Variants in SFXN1 observed in about 807,000 individuals in gnomAD.
The protein encoded by SFXN1 is sideroflexin 1, also known as sideroflexin-1.
A neutral mutation model predicts 39.5 loss-of-function variants in SFXN1; 32 were observed. The ratio of observed to expected loss-of-function variants is 0.81; its 90% CI spans 0.61 to 1.09. The LOEUF is 1.09. SFXN1 is among the 50% of genes least tolerant of loss of function. The probability of loss-of-function intolerance (pLI) is 0.00; values close to 1 mark genes in which losing one functional copy is unlikely to be tolerated. For missense variants in SFXN1, 402 were observed against 407.1 expected, an observed-to-expected ratio of 0.99 and a Z score of 0.11; for synonymous variants, 136 against 146.5, an observed-to-expected ratio of 0.93 and a Z score of 0.52.
Position 175,522,400 on chromosome 5 carries a change from T to C in SFXN1, c.850T>C (p.Cys284Arg), listed in dbSNP as rs372316631. 6.8e-5 allele frequency: 109 copies of C among 1,612,234 alleles called. No homozygotes were observed. The highest frequency in any genetic ancestry group is 9.0e-5 in the Non-Finnish European group (106 of 1,179,732). The stretch of plus-strand genomic sequence containing the variant: ...TTTGGTGTTTGCTACACCCCTGTGT[T>C]GTGCCCTGTTTCCTCAGAAAAGGTA... ...FCLVFATPLC[C>R]ALFPQKSSMS... Residue 284 changes from cysteine (C) to arginine (R), a missense_variant, in exon 10 of 11, where the codon TGT becomes CGT. Physicochemically the swap from Cys to Arg is radical, Grantham distance 180. Coordinates refer to ENST00000321442, the MANE Select transcript of SFXN1 (RefSeq NM_022754.7).
Position 175,512,212 on chromosome 5 carries a change from A to C in SFXN1, c.596+16A>C. 2 of 1,606,990 alleles carry C rather than the reference A, an allele frequency of 1.2e-6. No individual in the cohort carries two copies. Among genetic ancestry groups the C allele is most frequent in the African/African-American group, 1.3e-5 (1 of 74,818 alleles). ...TGAGGCAAAGGTAAGACGAATATGC[A>C]CTCTTAGTAGGGACATGTGCTTGAC... On this transcript the variant is annotated intron_variant, in intron 6 of 10. Transcript: ENST00000321442.
At chr5:175,502,987 T>C (rs778776492) in intron 2 of SFXN1, among the ~76,000 whole-genome samples, 2 of 152,182 alleles carry the variant, frequency 1.3e-5, no homozygotes, top group Non-Finnish European at 2.9e-5. Flanking sequence ...ACACAAAATA[T>C]GTATCTACTC....
Position 175,522,436 on chromosome 5 carries a change from A to C in SFXN1, c.872+14A>C. 6.2e-7 allele frequency: 1 copy of C among 1,610,862 alleles called. No individual in the cohort carries two copies. The highest frequency in any genetic ancestry group is 1.3e-5 in the African/African-American group (1 of 74,908). The stretch of plus-strand genomic sequence containing the variant: ...TCCTCAGAAAAGGTATGTATTTGTT[A>C]TTCGTCAGAATCATCATGAGTATTA... On this transcript the variant is annotated intron_variant, in intron 10 of 10. Coordinates refer to ENST00000321442, the MANE Select transcript of SFXN1 (RefSeq NM_022754.7).
chr5:175,480,288 C>G (rs2113244617), intron 1 of SFXN1, among the ~76,000 whole-genome samples: 1 of 152,244 alleles, frequency 6.6e-6, no homozygotes, highest in East Asian at 1.9e-4. Flanking sequence ...GTAGTCCCAG[C>G]TACTCGGGAG....
chr5:175,511,491 G>A lies in SFXN1; in HGVS notation c.475G>A (p.Val159Ile), dbSNP rs374767128. ...TAYVSATTGA[V>I]ATALGLNALT... ...TTACGTTTCTGCAACAACTGGTGCCGTAGCAACAGCTCTAGGACTCAATGC... is the reference window on the plus strand; with the variant it reads ...TTACGTTTCTGCAACAACTGGTGCCATAGCAACAGCTCTAGGACTCAATGC... The change falls in exon 5 of 11, where the codon GTA (valine) becomes ATA (isoleucine). Residue 159 changes from valine (V) to isoleucine (I), a missense_variant. By Grantham distance (29) the Val-to-Ile change is conservative. Coordinates refer to ENST00000321442, the MANE Select transcript of SFXN1 (RefSeq NM_022754.7). 6.2e-6 allele frequency: 10 copies of A among 1,613,922 alleles called. No homozygotes were observed. The African/African-American group carries it at 8.0e-5, about 13-fold the overall frequency.
intron 2 of SFXN1, among the ~76,000 whole-genome samples, chr5:175,502,064 A>G (rs568980616): frequency 1.3e-5 from 2 of 152,140 alleles, no homozygotes; most frequent in African/African-American, 4.8e-5. Flanking sequence ...GGTTGAAGCA[A>G]GGTTTTTTAA....
rs1761142479 is a variant in SFXN1, at chr5:175,528,510, G to A, written c.*1776G>A. ...CATGAAGTGTAGATCATTGTATTCA[G>A]AGATTGTAAATGAAAAAAATATAGA... is the stretch of plus-strand genomic sequence containing the variant. On this transcript the variant is annotated 3_prime_UTR_variant, in exon 11 of 11. Transcript: ENST00000321442. The A allele has an allele frequency of 6.7e-6, 1 of 149,824 alleles. No individual in the cohort carries two copies. The highest frequency in any genetic ancestry group is 6.7e-5 in the Admixed American group (1 of 15,016). 9.3% of individuals were successfully genotyped at this position (149,824 alleles called of 1,614,324 possible). A position where few individuals can be genotyped will look rare whatever the true frequency, so the allele number is the denominator to read the frequency against.
intron 10 of SFXN1, among the ~76,000 whole-genome samples, chr5:175,524,288 A>T (rs1256015999): frequency 1.3e-5 from 2 of 151,026 alleles, no homozygotes; most frequent in Non-Finnish European, 3.0e-5. Flanking sequence ...ATGTATCTTT[A>T]GTTTGTCTTA....
intron 2 of SFXN1, among the ~76,000 whole-genome samples, chr5:175,494,222 C>A (rs1287201618): frequency 6.6e-6 from 1 of 152,162 alleles, no homozygotes; most frequent in Non-Finnish European, 1.5e-5. Context: ...CCACACATGG[C>A]AATTTTTTTC....
intron 2 of SFXN1, among the ~76,000 whole-genome samples, chr5:175,492,992 G>A (rs556577477): frequency 1.3e-5 from 2 of 152,268 alleles, no homozygotes; most frequent in Non-Finnish European, 1.5e-5. Context: ...GGTGGCTCAC[G>A]CCTGTAATCC....
chr5:175,491,614 A>G (rs975729032), intron 1 of SFXN1: 2 of 152,280 alleles, frequency 1.3e-5, no homozygotes, highest in African/African-American at 4.8e-5. Flanking sequence ...CCTCCTGAGT[A>G]GCTGCAACTA....
rs375418322 is a variant in SFXN1, at chr5:175,497,381, A to T, written c.164+5114A>T. On this transcript the variant is annotated intron_variant, in intron 2 of 10. Coordinates refer to ENST00000321442, the MANE Select transcript of SFXN1 (RefSeq NM_022754.7). ...ACTGCCAATATATAGTTCTAGTGGG[A>T]TACCCACAATGCTATTTGAACAATG... Among the ~76,000 whole-genome samples, 8 of 152,330 alleles carry T rather than the reference A, an allele frequency of 5.3e-5. No individual in the cohort carries two copies. The East Asian group carries it at 1.2e-3, about 22-fold the overall frequency.
At chr5:175,494,102 A>G (rs1339599230) in intron 2 of SFXN1, among the ~76,000 whole-genome samples, 1 of 152,228 alleles carries the variant, frequency 6.6e-6, no homozygotes, top group African/African-American at 2.4e-5. Context: ...AATGCAAATA[A>G]GCAATATTAA....
At chr5:175,503,808 G>A (rs1170964190) in intron 2 of SFXN1, among the ~76,000 whole-genome samples, 1 of 152,138 alleles carries the variant, frequency 6.6e-6, no homozygotes, top group Non-Finnish European at 1.5e-5. Context: ...TTCGAGACCA[G>A]CCTGGCTAAC....
chr5:175,519,707 G>A (rs1202142449), intron 8 of SFXN1, among the ~76,000 whole-genome samples: 1 of 151,892 alleles, frequency 6.6e-6, no homozygotes, highest in Non-Finnish European at 1.5e-5. Context: ...CATTCGGGGT[G>A]GTGAATATTT....
Position 175,522,379 on chromosome 5 carries a change from G to T in SFXN1, c.829G>T (p.Val277Leu). 1 of 1,582,336 alleles carries T rather than the reference G, an allele frequency of 6.3e-7. No individual in the cohort carries two copies. Among genetic ancestry groups the T allele is most frequent in the Non-Finnish European group, 8.5e-7 (1 of 1,171,996 alleles). ...TTTTTTTGTATTTTTTTTAAGTTTG[G>T]TGTTTGCTACACCCCTGTGTTGTGC... Reference protein sequence around the residue: ...IQVGLVGFCLVFATPLCCALF... With the variant: ...IQVGLVGFCLLFATPLCCALF... The change falls in exon 10 of 11, where the codon GTG (valine) becomes TTG (leucine). Residue 277 changes from valine to leucine, a missense_variant. Physicochemically the swap from Val to Leu is conservative, Grantham distance 32. Coordinates refer to ENST00000321442, the MANE Select transcript of SFXN1 (RefSeq NM_022754.7).
At chr5:175,496,206 G>A (rs1581277194) in intron 2 of SFXN1, among the ~76,000 whole-genome samples, 1 of 151,858 alleles carries the variant, frequency 6.6e-6, no homozygotes, top group East Asian at 2.0e-4. Flanking sequence ...CCTTAAAAGT[G>A]TTTTATAAAA....
intron 2 of SFXN1, among the ~76,000 whole-genome samples, chr5:175,505,110 T>C (rs945482875): frequency 1.3e-5 from 2 of 152,144 alleles, no homozygotes; most frequent in Non-Finnish European, 2.9e-5. Flanking sequence ...TTTGGAATCA[T>C]GTTAAGTTTG....
chr5:175,512,092 G>A lies in SFXN1; in HGVS notation c.511-19G>A, dbSNP rs948065244. The A allele has an allele frequency of 6.2e-7, 1 of 1,608,512 alleles. No individual in the cohort carries two copies. Among genetic ancestry groups the A allele is most frequent in the Non-Finnish European group, 8.5e-7 (1 of 1,177,162 alleles). On this transcript the variant is annotated intron_variant, in intron 5 of 10. Coordinates refer to ENST00000321442, the MANE Select transcript of SFXN1 (RefSeq NM_022754.7). ...ACAGGAAAAATAAGATAAAGCTCTT[G>A]AAATTTTCTCCTCTGCAGCATGTCT...
Sources: allele counts gnomAD v4.1 joint callset (sites outside exome capture counted in the v4.1 genomes callset), GRCh38; gene constraint gnomAD v4.1.1; transcripts MANE v1.5; gene names NCBI Gene and HGNC (gene_info 2026-07-23, HGNC 2026-07-21).